Variants in CSMD1 observed in about 807,000 individuals in gnomAD.
CSMD1 encodes the protein CUB and Sushi multiple domains 1, also known as CUB and sushi domain-containing protein 1.
A neutral mutation model predicts 417.5 loss-of-function variants in CSMD1; 213 were observed. The ratio of observed to expected loss-of-function variants is 0.51; its 90% confidence interval spans 0.46 to 0.57. CSMD1 has a LOEUF of 0.57. Among genes scored for constraint, CSMD1 ranks in the 20% least tolerant of loss-of-function variants. CSMD1 has a pLI of 0.00. For synonymous variants in CSMD1, 2,862 were observed against 1,736.8 expected (o/e 1.65, Z -16.11); for missense variants, 6,923 against 4,529.7 (o/e 1.53, Z -15.17).
rs376692044 is a variant in CSMD1 at position 3,199,176 on chromosome 8, A to G, written c.5194+538T>C. On this transcript the variant is annotated intron_variant, in intron 33 of 69. Transcript: ENST00000635120. Reference sequence around the variant, plus strand: ...AAGGTTTAAATTAAAAGATAAGTATAAAGGTGTAAAAGTACCCAAAGTTAA... The same window carrying G: ...AAGGTTTAAATTAAAAGATAAGTATGAAGGTGTAAAAGTACCCAAAGTTAA... 6.5e-3 allele frequency among the ~76,000 whole-genome samples: 992 copies of G among 152,354 alleles called. 11 individuals are homozygous for G. Among genetic ancestry groups the G allele is most frequent in the African/African-American group, 0.022 (911 of 41,598 alleles).
At chr8:2,957,606 T>G (rs1168875674) in intron 63 of CSMD1, 90 bp downstream of exon 63, 1 of 882,374 alleles carries the variant, frequency 1.1e-6, no homozygotes, top group Non-Finnish European at 1.8e-6. Flanking sequence ...TTAAAAACAA[T>G]TTCTCATTAT....
At chr8:4,799,044 G>A (rs898640168) in intron 1 of CSMD1, among the ~76,000 whole-genome samples, 15 of 152,134 alleles carry the variant, frequency 9.9e-5, no homozygotes, top group African/African-American at 3.6e-4. Context: ...AGGAGCGTGG[G>A]CTGGTGAGGA....
At chr8:3,727,424 T>C (rs1423217677) in intron 6 of CSMD1, among the ~76,000 whole-genome samples, 2 of 152,160 alleles carry the variant, frequency 1.3e-5, no homozygotes, top group African/African-American at 4.8e-5. Context: ...GATGGGCTTT[T>C]CCTGTCTAAT....
At chr8:4,226,663 A>C (rs1801376373) in intron 3 of CSMD1, among the ~76,000 whole-genome samples, 2 of 152,208 alleles carry the variant, frequency 1.3e-5, no homozygotes, top group Admixed American at 1.3e-4. Context: ...ATAATCATAG[A>C]AATTAGTAAA....
intron 28 of CSMD1, among the ~76,000 whole-genome samples, chr8:3,220,723 C>T (rs373434612): frequency 1.1e-4 from 16 of 151,962 alleles, no homozygotes; most frequent in East Asian, 3.9e-4. Flanking sequence ...CCCAGCTGCT[C>T]GGGAGGCTGA....
At chr8:4,594,936 T>G (rs1214002319) in intron 2 of CSMD1, among the ~76,000 whole-genome samples, 1 of 152,332 alleles carries the variant, frequency 6.6e-6, no homozygotes, top group East Asian at 1.9e-4. Context: ...GACTACATAT[T>G]ATAATTCAGT....
chr8:3,761,178 C>T (rs2623735), intron 5 of CSMD1, among the ~76,000 whole-genome samples: 2 of 152,138 alleles, frequency 1.3e-5, no homozygotes, highest in South Asian at 2.1e-4. Context: ...TTATTTTGGA[C>T]ATTAGGAAAA....
intron 11 of CSMD1, among the ~76,000 whole-genome samples, chr8:3,483,519 T>A (rs946902634): frequency 6.6e-6 from 1 of 152,094 alleles, no homozygotes; most frequent in Non-Finnish European, 1.5e-5. Flanking sequence ...CAGACCCAGA[T>A]GGTTTCAATA....
At chr8:3,996,251 C>A (rs1224726100) in intron 5 of CSMD1, among the ~76,000 whole-genome samples, 1 of 152,184 alleles carries the variant, frequency 6.6e-6, no homozygotes, top group African/African-American at 2.4e-5. Flanking sequence ...TACCTCTGGA[C>A]TGTCCTAAAA....
At chr8:4,608,618 C>T (rs569166092) in intron 2 of CSMD1, among the ~76,000 whole-genome samples, 6 of 152,320 alleles carry the variant, frequency 3.9e-5, no homozygotes, top group Admixed American at 3.9e-4. Context: ...GCGTCATTTT[C>T]GCTAGCAATG....
At chr8:4,971,622 G>A (rs1017208929) in intron 1 of CSMD1, among the ~76,000 whole-genome samples, 2 of 151,664 alleles carry the variant, frequency 1.3e-5, no homozygotes, top group South Asian at 2.1e-4. Context: ...AATTGCAAAT[G>A]CATGCATCAA....
intron 8 of CSMD1, among the ~76,000 whole-genome samples, chr8:3,614,277 T>A (rs1018613989): frequency 2.6e-5 from 4 of 152,078 alleles, no homozygotes; most frequent in African/African-American, 4.8e-5. Context: ...GAGATAAGAT[T>A]CTACAGAAAC....
chr8:3,045,349 A>G (rs953690234), intron 50 of CSMD1, among the ~76,000 whole-genome samples: 1 of 152,204 alleles, frequency 6.6e-6, no homozygotes, highest in African/African-American at 2.4e-5. Flanking sequence ...TTGTCATTGT[A>G]ACTTCTTTAA....
rs114238380 is a variant in CSMD1 at position 4,027,340 on chromosome 8, C to A, written c.610+4565G>T. 6.7e-3 allele frequency among the ~76,000 whole-genome samples: 1,026 copies of A among 152,272 alleles called. 10 individuals carry two copies. The highest frequency in any genetic ancestry group is 0.024 in the African/African-American group (989 of 41,544). On this transcript the variant is annotated intron_variant, in intron 4 of 69. Transcript: ENST00000635120. ...TGATGGTATGCTTTGGCTGTGTCCT[C>A]ACCGAAAATTTCACCTTGAATTGTA...
intron 3 of CSMD1, among the ~76,000 whole-genome samples, chr8:4,163,290 G>A (rs1418939983): frequency 6.6e-6 from 1 of 152,038 alleles, no homozygotes; most frequent in African/African-American, 2.4e-5. Flanking sequence ...AGTATGTTTA[G>A]TTTTCTAAGA....
rs567243049 is a variant in CSMD1 at position 3,107,562 on chromosome 8, T to C, written c.6835+156A>G. ...ATTTGATACATGACCTCCGTATAAGTTCTCAGCAATACTTTAAGGATAGTT... is the reference window on the plus strand; with the variant it reads ...ATTTGATACATGACCTCCGTATAAGCTCTCAGCAATACTTTAAGGATAGTT... On this transcript the variant is annotated intron_variant, in intron 45 of 69. Transcript: ENST00000635120. Among the ~76,000 whole-genome samples the C allele has an allele frequency of 2.0e-5, 3 of 150,898 alleles. No individual in the cohort carries two copies. In the South Asian group the frequency reaches 6.4e-4, roughly 32 times the overall value.
chr8:4,866,501 G>C (rs1380851490), intron 1 of CSMD1, among the ~76,000 whole-genome samples: 1 of 151,660 alleles, frequency 6.6e-6, no homozygotes, highest in Admixed American at 6.6e-5. Context: ...CTTTATGCTA[G>C]GTACTTTTAA....
intron 7 of CSMD1, among the ~76,000 whole-genome samples, chr8:3,632,003 C>G (rs2117258366): frequency 6.6e-6 from 1 of 152,306 alleles, no homozygotes; most frequent in South Asian, 2.1e-4. Context: ...ATTACTGATT[C>G]TCTAACCATA....
At chr8:4,611,770 A>T (rs1325453242) in intron 2 of CSMD1, among the ~76,000 whole-genome samples, 2 of 152,142 alleles carry the variant, frequency 1.3e-5, no homozygotes, top group East Asian at 3.9e-4. Context: ...AAATGTAGCA[A>T]AATTACTCAG....
Sources: allele counts gnomAD v4.1 joint callset (sites outside exome capture counted in the v4.1 genomes callset), GRCh38; gene constraint gnomAD v4.1.1; transcripts MANE v1.5; gene names NCBI Gene and HGNC (gene_info 2026-07-23, HGNC 2026-07-21).